The following TSPAN9 variants were observed in gnomAD, a reference collection of about 807,000 sequenced individuals.
TSPAN9 encodes tetraspanin-9.
A neutral mutation model predicts 31.0 loss-of-function variants in TSPAN9; 16 were observed. That is an observed-to-expected ratio of 0.52 (90% CI 0.35 to 0.78). The LOEUF (loss-of-function observed/expected upper bound fraction) is 0.78. TSPAN9 is among the 30% of genes least tolerant of loss of function. The probability of loss-of-function intolerance (pLI) is 0.01; values close to 1 mark genes in which losing one functional copy is unlikely to be tolerated. For missense variants in TSPAN9, 272 were observed against 312.5 expected (o/e 0.87, Z 0.98); for synonymous variants, 145 against 121.6 (o/e 1.19, Z -1.27).
rs958077240 is a variant in TSPAN9, at chr12:3,118,262, T to A, written c.-18+34543T>A. ...CACCGCCCCTGCACCCGCCGTTTTT[T>A]TTTTTTTTTTTTTTTTTTGAGATGG... On this transcript the variant is annotated intron_variant, in intron 2 of 8. Transcript: ENST00000011898. 3.0e-3 allele frequency among the ~76,000 whole-genome samples: 253 copies of A among 85,458 alleles called. 6 individuals are homozygous for A. The highest frequency in any genetic ancestry group is 0.013 in the African/African-American group (234 of 17,816). 56.1% of individuals were successfully genotyped at this position (85,458 alleles called of 152,430 possible). A position where few individuals can be genotyped will look rare whatever the true frequency, so the allele number is the denominator to read the frequency against.
rs1462617245 is a variant in TSPAN9 at position 3,280,766 on chromosome 12, C to T, written c.432+283C>T. ...TTTATTTTAGCAACAGATTTGCCTC[C>T]ATGATGGGGCTTGGCTTAGGTGAGG... is the stretch of plus-strand genomic sequence containing the variant. On this transcript the variant is annotated intron_variant, in intron 6 of 8. Transcript: ENST00000011898. The surrounding 1 kb of genome is among the most constrained non-coding windows in gnomAD (Gnocchi z 4.5). 6.6e-6 allele frequency among the ~76,000 whole-genome samples: 1 copy of T among 152,236 alleles called. No homozygotes were observed. Among genetic ancestry groups the T allele is most frequent in the African/African-American group, 2.4e-5 (1 of 41,464 alleles).
chr12:3,135,942 C>T (rs1379852113), intron 2 of TSPAN9, among the ~76,000 whole-genome samples: 1 of 152,166 alleles, frequency 6.6e-6, no homozygotes, highest in African/African-American at 2.4e-5. Context: ...AAATCTTTGC[C>T]ACGTGTGCTG....
At chr12:3,281,973 C>T (rs1422487963) in intron 8 of TSPAN9, 156 bp downstream of exon 8, 18 of 855,486 alleles carry the variant, frequency 2.1e-5, no homozygotes, top group Non-Finnish European at 2.7e-5. Context: ...CCACCGTTTC[C>T]GCAGAGCTCT....
At chr12:3,236,667 A>C (rs2098393905) in intron 3 of TSPAN9, among the ~76,000 whole-genome samples, 1 of 152,214 alleles carries the variant, frequency 6.6e-6, no homozygotes, top group African/African-American at 2.4e-5. Context: ...GGGGTAGAGA[A>C]GAGACGAGTA....
chr12:3,241,298 G>A (rs1332254654), intron 3 of TSPAN9, among the ~76,000 whole-genome samples: 2 of 152,164 alleles, frequency 1.3e-5, no homozygotes, highest in Non-Finnish European at 2.9e-5. Context: ...TTTGGGGAAC[G>A]ATTAAATGAT....
intron 3 of TSPAN9, among the ~76,000 whole-genome samples, chr12:3,257,055 C>T (rs944940852): frequency 1.3e-5 from 2 of 152,168 alleles, no homozygotes; most frequent in Admixed American, 1.3e-4. Flanking sequence ...ACCCTTCTCA[C>T]AGTCTGATGA....
intron 2 of TSPAN9, among the ~76,000 whole-genome samples, chr12:3,110,226 C>G (rs2098317789): frequency 6.6e-6 from 1 of 152,118 alleles, no homozygotes; most frequent in Non-Finnish European, 1.5e-5. Context: ...AGTACAGAGG[C>G]CAAGACCCTG....
intron 3 of TSPAN9, among the ~76,000 whole-genome samples, chr12:3,259,123 T>C (rs189771860): frequency 6.6e-6 from 1 of 152,338 alleles, no homozygotes; most frequent in East Asian, 1.9e-4. Context: ...CATTTTCATT[T>C]TGTATGTGAG....
chr12:3,195,714 T>C (rs1427149309), intron 2 of TSPAN9, among the ~76,000 whole-genome samples: 2 of 152,214 alleles, frequency 1.3e-5, no homozygotes, highest in African/African-American at 4.8e-5. Flanking sequence ...CGGTTAATCA[T>C]GGGCCCCACT....
chr12:3,272,377 C>G (rs1862696575), intron 3 of TSPAN9, among the ~76,000 whole-genome samples: 2 of 152,128 alleles, frequency 1.3e-5, no homozygotes, highest in African/African-American at 4.8e-5. Flanking sequence ...CCATCCCCAT[C>G]ATTCATTCAT....
rs2098349640 is a variant in TSPAN9 at position 3,168,188 on chromosome 12, G to C, written c.-17-32989G>C. 6.6e-6 allele frequency among the ~76,000 whole-genome samples: 1 copy of C among 152,180 alleles called. No individual in the cohort carries two copies. Among genetic ancestry groups the C allele is most frequent in the African/African-American group, 2.4e-5 (1 of 41,438 alleles). ...GGCAGGAGTAGCACCGGTCATCCTTGGCAGAGAATCATTCGCTCTTTTCTC... is the reference window on the plus strand; with the variant it reads ...GGCAGGAGTAGCACCGGTCATCCTTCGCAGAGAATCATTCGCTCTTTTCTC... On this transcript the variant is annotated intron_variant, in intron 2 of 8. Transcript: ENST00000011898. This position sits in a 1 kb window ranked among gnomAD's most constrained non-coding sequence, Gnocchi z 4.0.
At chr12:3,211,689 A>G (rs1591680168) in intron 3 of TSPAN9, 1 of 1,574,392 alleles carries the variant, frequency 6.4e-7, no homozygotes, top group East Asian at 2.2e-5. Context: ...CTGAAGGAAC[A>G]TCCTTCTGTA....
In TSPAN9 at chr12:3,280,487, C is replaced by G; in HGVS notation, c.432+4C>G. ...CTGGAACATCATCCAGGCTGAGGTG[C>G]GGGCTGGGCCGCCCTGGTGGGGCCA... is the stretch of plus-strand genomic sequence containing the variant. On this transcript the variant is annotated splice_donor_region_variant and intron_variant, in intron 6 of 8. Transcript: ENST00000011898. This position sits in a 1 kb window ranked among gnomAD's most constrained non-coding sequence, Gnocchi z 4.5. 1.2e-6 allele frequency: 2 copies of G among 1,610,072 alleles called. No homozygotes were observed. Among genetic ancestry groups the G allele is most frequent in the Non-Finnish European group, 1.7e-6 (2 of 1,179,518 alleles).
At position 3,107,025 on chromosome 12, in the gene TSPAN9, G is replaced by A. The variant is rs2098315040; in HGVS notation, c.-18+23306G>A. Among the ~76,000 whole-genome samples the A allele has an allele frequency of 6.6e-6, 1 of 152,178 alleles. No homozygotes were observed. The highest frequency in any genetic ancestry group is 2.4e-5 in the African/African-American group (1 of 41,454). ...CTCCCTCCTGGCTGCTCAGATCCCA[G>A]CGGGTTTCCAGCCACAGAAGCAAAG... On this transcript the variant is annotated intron_variant, in intron 2 of 8. Transcript: ENST00000011898. The surrounding 1 kb of genome is among the most constrained non-coding windows in gnomAD (Gnocchi z 4.1).
chr12:3,220,145 C>CAAAAAAAAAAAAAAAAAA (rs55735802), intron 3 of TSPAN9, among the ~76,000 whole-genome samples: 14 of 137,364 alleles, frequency 1.0e-4, no homozygotes, highest in African/African-American at 2.0e-4. Context: ...AACTCTGTCT[C>CAAAAAAAAAAAAAAAAAA]AAAAAAAAAA....
At chr12:3,088,829 T>A in intron 2 of TSPAN9, among the ~76,000 whole-genome samples, 1 of 151,252 alleles carries the variant, frequency 6.6e-6, no homozygotes, top group Non-Finnish European at 1.5e-5. Context: ...CAGGAGAGGG[T>A]GAGCTGTTCT....
intron 3 of TSPAN9, among the ~76,000 whole-genome samples, chr12:3,260,452 C>G (rs147983915): frequency 6.6e-6 from 1 of 152,304 alleles, no homozygotes; most frequent in Non-Finnish European, 1.5e-5. Context: ...GAAGTGGAAA[C>G]TTTTCCCCAG....
chr12:3,162,631 A>AAG (rs1555146860), intron 2 of TSPAN9, among the ~76,000 whole-genome samples: 4,937 of 151,496 alleles, frequency 0.033, 263 homozygotes, highest in African/African-American at 0.11. Flanking sequence ...AGAAAAAAAA[A>AAG]AAGTAATTTT....
chr12:3,217,223 GC>G (rs1351723813), intron 3 of TSPAN9, among the ~76,000 whole-genome samples: 2 of 152,360 alleles, frequency 1.3e-5, no homozygotes, highest in East Asian at 3.9e-4. Context: ...TGGGCCTCAT[GC>G]CCGGACCTTG....
Sources: gnomAD v4.1 joint callset for allele counts (sites outside exome capture counted in the v4.1 genomes callset) on GRCh38, gnomAD v4.1.1 for gene constraint, Gnocchi (gnomAD v3.1) non-coding constraint, MANE v1.5 for transcripts, NCBI Gene and HGNC (gene_info 2026-07-23, HGNC 2026-07-21) for gene names.